SULT2B1: variants seen among roughly 807,000 people sequenced by gnomAD.
SULT2B1 encodes the protein sulfotransferase 2B1.
SULT2B1 carries 16 observed loss-of-function variants against 33.2 expected under a neutral mutation model. That is an observed-to-expected ratio of 0.48 (90% CI 0.33 to 0.73). The LOEUF (loss-of-function observed/expected upper bound fraction) is 0.73. Among genes scored for constraint, SULT2B1 ranks in the 30% least tolerant of loss-of-function variants. The probability of loss-of-function intolerance (pLI) is 0.02; values close to 1 mark genes in which losing one functional copy is unlikely to be tolerated. For synonymous variants in SULT2B1, 186 were observed against 200.5 expected (o/e 0.93, Z 0.61); for missense variants, 500 against 506.0 (o/e 0.99, Z 0.11).
chr19:48,558,376 C>T (rs1262159087), intron 1 of SULT2B1, among the ~76,000 whole-genome samples: 1 of 152,140 alleles, frequency 6.6e-6, no homozygotes, highest in Non-Finnish European at 1.5e-5. Flanking sequence ...CCTTGCATTC[C>T]CTGCGTGCTG....
intron 1 of SULT2B1, among the ~76,000 whole-genome samples, chr19:48,574,196 G>T (rs1286230492): frequency 6.6e-6 from 1 of 152,106 alleles, no homozygotes; most frequent in Non-Finnish European, 1.5e-5. Context: ...CAGCACCCAA[G>T]GCTGAGAACT....
At chr19:48,558,322 C>T (rs77663904) in intron 1 of SULT2B1, among the ~76,000 whole-genome samples, 1,908 of 142,872 alleles carry the variant, frequency 0.013, 52 homozygotes, top group African/African-American at 0.046. Flanking sequence ...GAGACTCAGC[C>T]CAGACAGGAG....
chr19:48,582,207 G>C (rs1214215411), intron 2 of SULT2B1, among the ~76,000 whole-genome samples: 1 of 151,976 alleles, frequency 6.6e-6, no homozygotes, highest in Non-Finnish European at 1.5e-5. Flanking sequence ...GACCAGCCTT[G>C]ATTTTGCTTA....
intron 3 of SULT2B1, among the ~76,000 whole-genome samples, chr19:48,588,571 ATACTT>A (rs1170149785): frequency 6.7e-6 from 1 of 149,542 alleles, no homozygotes; most frequent in African/African-American, 2.4e-5. Context: ...GTATTACAAT[ATACTT>A]TAATTATATT....
At chr19:48,593,449 G>A (rs946600272) in intron 5 of SULT2B1, among the ~76,000 whole-genome samples, 1 of 151,622 alleles carries the variant, frequency 6.6e-6, no homozygotes, top group African/African-American at 2.4e-5. Flanking sequence ...CTGCTCAGGA[G>A]GCTAAGGCAG....
chr19:48,592,764 G>C lies in SULT2B1; in HGVS notation c.593G>C (p.Arg198Pro). The change falls in exon 5 of 7, where the codon CGG becomes CCG. Residue 198 changes from arginine to proline, a missense_variant. Transcript: ENST00000201586. ...TTCGACCACATTAAGGGCTGGCTTC[G>C]GATGAAGGGCAAAGACAACTTCCTA... is the stretch of plus-strand genomic sequence containing the variant. ...SWFDHIKGWLRMKGKDNFLFI... is the reference protein window; with the variant it reads ...SWFDHIKGWLPMKGKDNFLFI... 2 of 1,597,886 alleles carry C rather than the reference G, an allele frequency of 1.3e-6. No homozygotes were observed. Among genetic ancestry groups the C allele is most frequent in the Non-Finnish European group, 1.7e-6 (2 of 1,171,920 alleles).
intron 1 of SULT2B1, among the ~76,000 whole-genome samples, chr19:48,555,383 T>A (rs1301722765): frequency 6.6e-6 from 1 of 151,926 alleles, no homozygotes; most frequent in East Asian, 1.9e-4. Flanking sequence ...TGAGCCACCG[T>A]GCCCGGCCTA....
At chr19:48,574,496 T>A (rs1320470416) in intron 1 of SULT2B1, among the ~76,000 whole-genome samples, 1 of 152,204 alleles carries the variant, frequency 6.6e-6, no homozygotes, top group Non-Finnish European at 1.5e-5. Context: ...ATCTGGGTTT[T>A]CCTCTCCTGT....
chr19:48,597,046 T>A, intron 6 of SULT2B1, 127 bp downstream of exon 6: 1 of 1,115,596 alleles, frequency 9.0e-7, no homozygotes, highest in Non-Finnish European at 1.3e-6. Flanking sequence ...AGGGTCACTG[T>A]GGCCCCAGGG....
chr19:48,565,135 G>T (rs148284024), intron 1 of SULT2B1, among the ~76,000 whole-genome samples: 5 of 151,416 alleles, frequency 3.3e-5, no homozygotes, highest in African/African-American at 1.2e-4. Flanking sequence ...CATGTTAGAC[G>T]GGCTGGTCTC....
chr19:48,564,677 A>AT (rs1973223601), intron 1 of SULT2B1, among the ~76,000 whole-genome samples: 2 of 151,774 alleles, frequency 1.3e-5, no homozygotes. Context: ...AATTTTTAAA[A>AT]TTTTTTTCTT....
At chr19:48,577,052 T>G (rs1486096091) in intron 2 of SULT2B1, among the ~76,000 whole-genome samples, 2 of 59,934 alleles carry the variant, frequency 3.3e-5, no homozygotes, top group East Asian at 5.1e-4. Context: ...TTTTTTTTTT[T>G]TGTGACGGAG....
chr19:48,552,913 G>C lies in SULT2B1; in HGVS notation c.71+590G>C, dbSNP rs79949863. ...CGTGACTCCCTCTTCCTGGGGATGA[G>C]TCAGACACTTTGACAGTACCTGCTT... On this transcript the variant is annotated intron_variant, in intron 1 of 6. Transcript: ENST00000201586. This position sits in a 1 kb window ranked among gnomAD's most constrained non-coding sequence, Gnocchi z 4.8. Among the ~76,000 whole-genome samples the C allele has an allele frequency of 1.0e-2, 1,518 of 152,228 alleles. 28 individuals carry two copies. Among genetic ancestry groups the C allele is most frequent in the African/African-American group, 0.034 (1,405 of 41,510 alleles).
In SULT2B1 at chr19:48,595,079, T is replaced by C. The variant is rs552086100; in HGVS notation, c.646-1660T>C. 2.6e-4 allele frequency among the ~76,000 whole-genome samples: 39 copies of C among 151,382 alleles called. 2 individuals are homozygous for C. In the South Asian group the frequency reaches 8.2e-3, roughly 32 times the overall value. On this transcript the variant is annotated intron_variant, in intron 5 of 6. Coordinates refer to ENST00000201586, the MANE Select transcript of SULT2B1 (RefSeq NM_177973.2). ...GAGCAGATCACCCGAGGGTGGGAGT[T>C]CGAGACTACCCTGACCAACATGGAG...
rs1484315018 is a variant in SULT2B1, at chr19:48,579,702, G to A, written c.214+3619G>A. The stretch of plus-strand genomic sequence containing the variant: ...GCTCACTGCAACCTCTGCCTCCTAG[G>A]TTCAAGCGATTCTCCTGCCTCAGCC... On this transcript the variant is annotated intron_variant, in intron 2 of 6. Transcript: ENST00000201586. Among the ~76,000 whole-genome samples, 3 of 148,696 alleles carry A rather than the reference G, an allele frequency of 2.0e-5. 1 individual carries two copies. Among genetic ancestry groups the A allele is most frequent in the South Asian group, 4.2e-4 (2 of 4,762 alleles).
At chr19:48,570,171 G>A (rs916518029) in intron 1 of SULT2B1, among the ~76,000 whole-genome samples, 1 of 123,858 alleles carries the variant, frequency 8.1e-6, no homozygotes, top group Non-Finnish European at 1.7e-5. Context: ...GGGAACCGCC[G>A]GTTTGTTCTT....
chr19:48,576,530 C>T (rs888854380), intron 2 of SULT2B1, among the ~76,000 whole-genome samples: 2 of 150,114 alleles, frequency 1.3e-5, no homozygotes, highest in African/African-American at 4.9e-5. Flanking sequence ...CAAGGTCTTG[C>T]TCTGTCACTC....
intron 2 of SULT2B1, among the ~76,000 whole-genome samples, chr19:48,584,423 G>C (rs1973536501): frequency 6.6e-6 from 1 of 152,206 alleles, no homozygotes; most frequent in South Asian, 2.1e-4. Context: ...TGAGAATCAG[G>C]AAGAGCCCCA....
intron 1 of SULT2B1, among the ~76,000 whole-genome samples, chr19:48,561,790 T>C (rs1973184649): frequency 6.6e-6 from 1 of 152,118 alleles, no homozygotes; most frequent in Non-Finnish European, 1.5e-5. Context: ...TGAGATGCTC[T>C]ACATCCCAGA....
Sources: allele counts gnomAD v4.1 joint callset (sites outside exome capture counted in the v4.1 genomes callset), GRCh38; gene constraint gnomAD v4.1.1; non-coding constraint Gnocchi (gnomAD v3.1); transcripts MANE v1.5; gene names NCBI Gene and HGNC (gene_info 2026-07-23, HGNC 2026-07-21).